LPCAT4: variants seen among roughly 807,000 people sequenced by gnomAD.
LPCAT4 encodes lysophospholipid acyltransferase LPCAT4.
In LPCAT4, 30 loss-of-function variants were observed where a neutral mutation model predicts 66.5. The ratio of observed to expected loss-of-function variants is 0.45; its 90% confidence interval spans 0.34 to 0.61. The LOEUF is 0.61. LPCAT4 is among the 20% of genes least tolerant of loss of function. The pLI is 0.01. For missense variants in LPCAT4, 557 were observed against 656.7 expected (o/e 0.85, Z 1.66); for synonymous variants, 253 against 262.1 (o/e 0.97, Z 0.34).
At chr15:34,365,473 T>G (rs1891054637) in intron 2 of LPCAT4, 86 bp downstream of exon 2, 1 of 1,561,942 alleles carries the variant, frequency 6.4e-7, no homozygotes, top group Non-Finnish European at 8.8e-7. Context: ...AGTTTCAGAA[T>G]GCTCTCTTTT....
intron 10 of LPCAT4, 58 bp downstream of exon 10, chr15:34,362,138 T>TTTTCTC: frequency 2.7e-6 from 4 of 1,487,190 alleles, no homozygotes; most frequent in South Asian, 1.2e-5. Context: ...CCCCTTCTTA[T>TTTTCTC]TCTCTCTCTC....
intron 3 of LPCAT4, 99 bp downstream of exon 3, chr15:34,364,908 TC>T: frequency 1.0e-6 from 1 of 959,322 alleles, no homozygotes; most frequent in Non-Finnish European, 1.6e-6. Flanking sequence ...CAACAGTCCC[TC>T]CCCACTTTGA....
In LPCAT4 at chr15:34,364,455, CT is replaced by C. The variant is rs1430098658; in HGVS notation, c.479-150del. ...TGTTGTTGTTTGAGACAGAGTTTCG[CT>C]TTTGTTGCCCAGGCTGGAGTGCAAT... On this transcript the variant is annotated intron_variant, in intron 3 of 13. Transcript: ENST00000314891. 5.2e-6 allele frequency: 3 copies of C among 580,638 alleles called. No homozygotes were observed. In the African/African-American group the frequency reaches 5.9e-5, roughly 11 times the overall value. The allele number at this position is 580,638 out of a possible 1,614,324, so 36.0% of individuals were successfully genotyped here.
intron 11 of LPCAT4, 33 bp from the exon 12 acceptor site, chr15:34,360,242 G>C: frequency 6.4e-7 from 1 of 1,554,614 alleles, no homozygotes; most frequent in Non-Finnish European, 8.9e-7. Context: ...GCAATGCGGG[G>C]ACCCTGCGCC....
At position 34,363,931 on chromosome 15, in the gene LPCAT4, C is replaced by T. The variant is rs1039908445; in HGVS notation, c.652+82G>A. The stretch of plus-strand genomic sequence containing the variant: ...CTCTCCCATCCCTCCCCCTCTTCTA[C>T]TTCTTGGGTTATTTCAGAGTCCCTC... On this transcript the variant is annotated intron_variant, in intron 5 of 13. Transcript: ENST00000314891. This position sits in a 1 kb window ranked among gnomAD's most constrained non-coding sequence, Gnocchi z 4.3. The T allele has an allele frequency of 1.5e-5, 22 of 1,463,264 alleles. No homozygotes were observed. The highest frequency in any genetic ancestry group is 1.3e-4 in the African/African-American group (9 of 71,550). 90.6% of individuals were successfully genotyped at this position (1,463,264 alleles called of 1,614,324 possible). A position where few individuals can be genotyped will look rare whatever the true frequency, so the allele number is the denominator to read the frequency against.
At chr15:34,365,909 G>T in intron 1 of LPCAT4, 4 of 566,986 alleles carry the variant, frequency 7.1e-6, no homozygotes, top group Admixed American at 6.2e-5. Flanking sequence ...GGCATCAAGG[G>T]CCTTATTTTC....
chr15:34,361,584 C>T (rs757950513), intron 10 of LPCAT4, 52 bp from the exon 11 acceptor site: 32 of 1,604,660 alleles, frequency 2.0e-5, no homozygotes, highest in Admixed American at 1.3e-4. Context: ...CTTCTGGACA[C>T]ACCATCAGCA....
chr15:34,365,643 A>T lies in LPCAT4; in HGVS notation c.173T>A (p.Leu58His). The T allele has an allele frequency of 1.2e-6, 2 of 1,614,224 alleles. No individual in the cohort carries two copies. Among genetic ancestry groups the T allele is most frequent in the Non-Finnish European group, 1.7e-6 (2 of 1,180,038 alleles). Residue 58 changes from leucine to histidine, a missense_variant, in exon 2 of 14, where the codon CTC (leucine) becomes CAC (histidine). Transcript: ENST00000314891. ...PIRVLLAFIVLFLLWPFAWLQ... is the reference protein window; with the variant it reads ...PIRVLLAFIVHFLLWPFAWLQ... ...CCAGGCAAAGGGCCAGAGGAGAAAG[A>T]GGACGATAAAGGCCAGAAGCACTCG...
At chr15:34,366,832 C>G in intron 1 of LPCAT4, 155 bp downstream of exon 1, 3 of 1,134,870 alleles carry the variant, frequency 2.6e-6, no homozygotes, top group Middle Eastern at 4.3e-4. Flanking sequence ...TGCCCAACCG[C>G]GGCCGCCCCC....
At chr15:34,359,835 T>C in intron 12 of LPCAT4, 90 bp from the exon 13 acceptor site, 1 of 1,372,508 alleles carries the variant, frequency 7.3e-7, no homozygotes. Context: ...CTCCTCCTCT[T>C]CCAAAAGGGT....
At position 34,362,481 on chromosome 15, in the gene LPCAT4, C is replaced by T. The variant is rs1450605418; in HGVS notation, c.884+92G>A. Reference sequence around the variant, plus strand: ...AGAGCCCTTCCCACTGCCTGCTCCTCGATCTTTGCCTGAAAACCTCGCCCC... The same window carrying T: ...AGAGCCCTTCCCACTGCCTGCTCCTTGATCTTTGCCTGAAAACCTCGCCCC... On this transcript the variant is annotated intron_variant, in intron 9 of 13. Transcript: ENST00000314891. 3.0e-5 allele frequency: 43 copies of T among 1,414,112 alleles called. No homozygotes were observed. In the South Asian group the frequency reaches 4.2e-4, roughly 14 times the overall value. The allele number at this position is 1,414,112 out of a possible 1,614,324, so 87.6% of individuals were successfully genotyped here.
chr15:34,366,946 A>G (rs1348495180), intron 1 of LPCAT4, 41 bp downstream of exon 1: 4 of 1,528,970 alleles, frequency 2.6e-6, no homozygotes, highest in African/African-American at 1.4e-5. Flanking sequence ...CCATTTTCCT[A>G]TCCTCACGGG....
chr15:34,362,462 C>T (rs911336611), intron 9 of LPCAT4, 111 bp downstream of exon 9: 9 of 1,399,242 alleles, frequency 6.4e-6, no homozygotes, highest in Non-Finnish European at 8.8e-6. Context: ...TTCAAGAGCC[C>T]TTCCCACTGC....
chr15:34,365,481 T>C, intron 2 of LPCAT4, 78 bp downstream of exon 2: 1 of 1,585,442 alleles, frequency 6.3e-7, no homozygotes, highest in Non-Finnish European at 8.6e-7. Flanking sequence ...AATGCTCTCT[T>C]TTCTTCTTCT....
chr15:34,360,746 C>T (rs1225622620), intron 11 of LPCAT4, among the ~76,000 whole-genome samples: 1 of 152,222 alleles, frequency 6.6e-6, no homozygotes, highest in Non-Finnish European at 1.5e-5. Flanking sequence ...TCTAAGGAAT[C>T]TAGATACCTG....
Position 34,363,591 on chromosome 15 carries a change from G to T in LPCAT4, c.711+70C>A. The T allele has an allele frequency of 1.9e-6, 3 of 1,604,402 alleles. No homozygotes were observed. Among genetic ancestry groups the T allele is most frequent in the Non-Finnish European group, 2.6e-6 (3 of 1,171,232 alleles). On this transcript the variant is annotated intron_variant, in intron 6 of 13. Coordinates refer to ENST00000314891, the MANE Select transcript of LPCAT4 (RefSeq NM_153613.3). This position sits in a 1 kb window ranked among gnomAD's most constrained non-coding sequence, Gnocchi z 4.3. ...TGCACATCCCATTAAAGCACCAACAGTTTTCACTTATTTCCATTTGGGGTG... is the reference window on the plus strand; with the variant it reads ...TGCACATCCCATTAAAGCACCAACATTTTTCACTTATTTCCATTTGGGGTG...
chr15:34,362,707 C>G, intron 8 of LPCAT4, 52 bp from the exon 9 acceptor site: 1 of 1,609,550 alleles, frequency 6.2e-7, no homozygotes, highest in Non-Finnish European at 8.5e-7. Context: ...TGAGGTATGA[C>G]CACTCCCACC....
chr15:34,359,043 T>C lies in LPCAT4; in HGVS notation c.*84A>G, dbSNP rs1396505283. The C allele has an allele frequency of 5.4e-6, 6 of 1,114,896 alleles. No individual in the cohort carries two copies. Among genetic ancestry groups the C allele is most frequent in the Non-Finnish European group, 7.3e-6 (6 of 826,618 alleles). 69.1% of individuals were successfully genotyped at this position (1,114,896 alleles called of 1,614,324 possible). A position where few individuals can be genotyped will look rare whatever the true frequency, so the allele number is the denominator to read the frequency against. ...AACAACCAAACAACAATAACAAAAT[T>C]CAAACAGGAGCAGAGATGGGGCTGA... On this transcript the variant is annotated 3_prime_UTR_variant, in exon 14 of 14. Coordinates refer to ENST00000314891, the MANE Select transcript of LPCAT4 (RefSeq NM_153613.3).
chr15:34,365,809 C>G, intron 1 of LPCAT4, 108 bp from the exon 2 acceptor site: 1 of 1,333,692 alleles, frequency 7.5e-7, no homozygotes, highest in Non-Finnish European at 1.0e-6. Flanking sequence ...TCATCCCTTG[C>G]ATGTGACAGG....
Sources: gnomAD v4.1 joint callset for allele counts (sites outside exome capture counted in the v4.1 genomes callset) on GRCh38, gnomAD v4.1.1 for gene constraint, Gnocchi (gnomAD v3.1) non-coding constraint, MANE v1.5 for transcripts, NCBI Gene and HGNC (gene_info 2026-07-23, HGNC 2026-07-21) for gene names.